The following TEAD1 variants were observed in gnomAD, a reference collection of about 807,000 sequenced individuals.
The protein encoded by TEAD1 is transcriptional enhancer factor TEF-1.
TEAD1 carries 9 observed loss-of-function variants against 54.9 expected under a neutral mutation model. The ratio of observed to expected loss-of-function variants is 0.16; its 90% CI spans 0.10 to 0.29. The LOEUF (loss-of-function observed/expected upper bound fraction) is 0.29. TEAD1 is among the 10% of genes least tolerant of loss of function. The pLI is 1.00. For synonymous variants in TEAD1, 200 were observed against 187.8 expected (o/e 1.07, Z -0.53); for missense variants, 387 against 535.9 (o/e 0.72, Z 2.74).
At chr11:12,677,595 C>G (rs1424575437) in intron 2 of TEAD1, among the ~76,000 whole-genome samples, 1 of 152,138 alleles carries the variant, frequency 6.6e-6, no homozygotes, top group Non-Finnish European at 1.5e-5. Flanking sequence ...TCTTAGAATA[C>G]AGAGCAACAA....
At chr11:12,868,925 C>G (rs1490874824) in intron 5 of TEAD1, among the ~76,000 whole-genome samples, 2 of 152,092 alleles carry the variant, frequency 1.3e-5, no homozygotes, top group Non-Finnish European at 2.9e-5. Context: ...AGAGGCTGCC[C>G]AAGTGAAAAG....
In TEAD1 at chr11:12,942,328, G is replaced by A. The variant is rs971889550; in HGVS notation, c.*5106G>A. ...ATCACCGTAATGCCTTTGGTTTACC[G>A]GGATGAGTAACCAACCACAGGCCTC... On this transcript the variant is annotated 3_prime_UTR_variant, in exon 13 of 13. Transcript: ENST00000527636. The A allele has an allele frequency of 2.6e-5, 4 of 152,444 alleles. No individual in the cohort carries two copies. The highest frequency in any genetic ancestry group is 7.2e-5 in the African/African-American group (3 of 41,434). The allele number at this position is 152,444 out of a possible 1,614,324, so 9.4% of individuals were successfully genotyped here.
chr11:12,872,905 G>A (rs1330285963), intron 5 of TEAD1, among the ~76,000 whole-genome samples: 3 of 152,166 alleles, frequency 2.0e-5, no homozygotes, highest in Non-Finnish European at 4.4e-5. Context: ...ACCATACTAA[G>A]TACTTGAAGC....
chr11:12,701,218 A>AT (rs567324638), intron 2 of TEAD1, among the ~76,000 whole-genome samples: 31 of 150,432 alleles, frequency 2.1e-4, no homozygotes, highest in East Asian at 5.9e-4. Flanking sequence ...GTTTACTTAG[A>AT]TTTTTTTTTT....
intron 3 of TEAD1, among the ~76,000 whole-genome samples, chr11:12,857,762 G>GC (rs1296794431): frequency 6.6e-6 from 1 of 152,074 alleles, no homozygotes; most frequent in Non-Finnish European, 1.5e-5. Context: ...GAATCTGTGA[G>GC]CTCACCCCTT....
At chr11:12,903,449 A>T (rs1038405160) in intron 10 of TEAD1, among the ~76,000 whole-genome samples, 6 of 152,246 alleles carry the variant, frequency 3.9e-5, no homozygotes, top group Non-Finnish European at 8.8e-5. Context: ...TTTGCATATT[A>T]AATTAGTTTG....
At chr11:12,884,059 A>G (rs890489670) in intron 9 of TEAD1, among the ~76,000 whole-genome samples, 1 of 151,736 alleles carries the variant, frequency 6.6e-6, no homozygotes, top group East Asian at 1.9e-4. Context: ...AGTGCAGTGC[A>G]TTATAATATC....
rs563728381 is a variant in TEAD1, at chr11:12,836,344, G to A, written c.203-25906G>A. 4.6e-5 allele frequency among the ~76,000 whole-genome samples: 7 copies of A among 152,042 alleles called. No homozygotes were observed. In the South Asian group the frequency reaches 6.2e-4, roughly 14 times the overall value. Reference sequence around the variant, plus strand: ...CTGAGGCAGGAGAATGGCGTGAACCGGGCAGGCGGAGCTTGCAGTGAGTCA... The same window carrying A: ...CTGAGGCAGGAGAATGGCGTGAACCAGGCAGGCGGAGCTTGCAGTGAGTCA... On this transcript the variant is annotated intron_variant, in intron 3 of 12. Coordinates refer to ENST00000527636, the MANE Select transcript of TEAD1 (RefSeq NM_021961.6).
intron 9 of TEAD1, among the ~76,000 whole-genome samples, chr11:12,883,693 A>G (rs1787836751): frequency 1.3e-5 from 2 of 152,086 alleles, no homozygotes; most frequent in Non-Finnish European, 2.9e-5. Flanking sequence ...CAAGATAGCA[A>G]GTTGTTCTCT....
At chr11:12,936,153 AT>A (rs1239740346) in intron 12 of TEAD1, among the ~76,000 whole-genome samples, 3 of 152,172 alleles carry the variant, frequency 2.0e-5, no homozygotes, top group Admixed American at 6.5e-5. Context: ...TTTTTGCTTG[AT>A]TAGATTTGCT....
At chr11:12,882,270 T>C (rs563108944) in intron 8 of TEAD1, among the ~76,000 whole-genome samples, 4 of 152,146 alleles carry the variant, frequency 2.6e-5, no homozygotes, top group Middle Eastern at 3.2e-3. Context: ...CTGGCCAAAT[T>C]AGGCAGTCTA....
intron 3 of TEAD1, among the ~76,000 whole-genome samples, chr11:12,778,953 A>G (rs146357981): frequency 6.6e-5 from 10 of 152,288 alleles, no homozygotes; most frequent in African/African-American, 2.4e-4. Context: ...TCATAACCAT[A>G]TTGATCTTAC....
chr11:12,695,211 G>A (rs975727699), intron 2 of TEAD1, among the ~76,000 whole-genome samples: 2 of 152,116 alleles, frequency 1.3e-5, no homozygotes, highest in African/African-American at 4.8e-5. Flanking sequence ...TGAGAAAGTC[G>A]GGCTCATTTT....
At chr11:12,724,165 C>T (rs144721302) in intron 2 of TEAD1, among the ~76,000 whole-genome samples, 22 of 152,266 alleles carry the variant, frequency 1.4e-4, no homozygotes, top group East Asian at 9.6e-4. Context: ...CTGTCCCCTC[C>T]GCAACAAACA....
chr11:12,882,653 G>A (rs893414805), intron 8 of TEAD1, among the ~76,000 whole-genome samples: 5 of 152,160 alleles, frequency 3.3e-5, no homozygotes, highest in African/African-American at 1.2e-4. Flanking sequence ...TGGCATGTTC[G>A]GGTCTCACAG....
Position 12,881,193 on chromosome 11 carries a change from A to G in TEAD1, c.512+142A>G, listed in dbSNP as rs556023783. On this transcript the variant is annotated intron_variant, in intron 7 of 12. Transcript: ENST00000527636. ...AGGTCCCAGAAGGCATCCCCTTTTT[A>G]TTGTGTACTTAGGCCCCTGGCAGGA... 10 of 931,730 alleles carry G rather than the reference A, an allele frequency of 1.1e-5. No individual in the cohort carries two copies. In the African/African-American group the frequency reaches 1.5e-4, roughly 14 times the overall value. 57.7% of individuals were successfully genotyped at this position (931,730 alleles called of 1,614,324 possible).
chr11:12,697,710 A>AGG (rs1395825350), intron 2 of TEAD1, among the ~76,000 whole-genome samples: 2 of 152,186 alleles, frequency 1.3e-5, no homozygotes, highest in African/African-American at 2.4e-5. Flanking sequence ...CAGTGAAAGA[A>AGG]GGGGGGTATG....
intron 2 of TEAD1, among the ~76,000 whole-genome samples, chr11:12,678,413 C>T (rs987523878): frequency 2.6e-5 from 4 of 152,180 alleles, no homozygotes; most frequent in African/African-American, 7.2e-5. Flanking sequence ...TCTTTTATAG[C>T]TGCATGGTGC....
intron 2 of TEAD1, among the ~76,000 whole-genome samples, chr11:12,696,238 C>T (rs1444962858): frequency 1.3e-5 from 2 of 152,160 alleles, no homozygotes; most frequent in Non-Finnish European, 2.9e-5. Context: ...TTGTGTTGGA[C>T]AGGTAGATAC....
Sources: allele counts gnomAD v4.1 joint callset (sites outside exome capture counted in the v4.1 genomes callset), GRCh38; gene constraint gnomAD v4.1.1; transcripts MANE v1.5; gene names NCBI Gene and HGNC (gene_info 2026-07-23, HGNC 2026-07-21).